Variants in ACSS3 observed in about 807,000 individuals in gnomAD.
ACSS3 encodes acyl-CoA synthetase short-chain family member 3, mitochondrial.
Under a neutral mutation model 84.2 loss-of-function variants are expected in ACSS3, and 64 were observed. That is an observed-to-expected ratio of 0.76 (90% confidence interval 0.62 to 0.94). The LOEUF (loss-of-function observed/expected upper bound fraction) is 0.94, where lower values mean the gene tolerates loss of function less well. ACSS3 is among the 40% of genes least tolerant of loss of function. The probability of loss-of-function intolerance (pLI) is 0.00; values close to 1 mark genes in which losing one functional copy is unlikely to be tolerated. For missense variants in ACSS3, 815 were observed against 867.6 expected, an observed-to-expected ratio of 0.94 and a Z score of 0.76; for synonymous variants, 317 against 310.1, an observed-to-expected ratio of 1.02 and a Z score of -0.23.
intron 1 of ACSS3, among the ~76,000 whole-genome samples, chr12:81,109,236 A>G (rs1883357077): frequency 6.6e-6 from 1 of 152,110 alleles, no homozygotes; most frequent in African/African-American, 2.4e-5. Flanking sequence ...CATACCATTT[A>G]TTTCATCTAT....
chr12:81,103,512 C>G (rs1435867226), intron 1 of ACSS3, among the ~76,000 whole-genome samples: 1 of 152,080 alleles, frequency 6.6e-6, no homozygotes, highest in Non-Finnish European at 1.5e-5. Context: ...GTCACTTGGT[C>G]TAGTCAGTCG....
intron 8 of ACSS3, among the ~76,000 whole-genome samples, chr12:81,178,160 T>G (rs1448287218): frequency 1.3e-5 from 2 of 151,380 alleles, no homozygotes; most frequent in African/African-American, 4.9e-5. Context: ...TCATGTCCTT[T>G]GTAGGGACAT....
At chr12:81,158,394 T>A (rs1886987526) in intron 7 of ACSS3, 1 of 153,420 alleles carries the variant, frequency 6.5e-6, no homozygotes, top group Non-Finnish European at 1.5e-5. Context: ...CAACAGCAAT[T>A]GGAGAAGATT....
At chr12:81,207,396 T>G (rs1300869439) in intron 9 of ACSS3, among the ~76,000 whole-genome samples, 1 of 152,132 alleles carries the variant, frequency 6.6e-6, no homozygotes, top group African/African-American at 2.4e-5. Context: ...CAAGAAGTGA[T>G]GCAGAATCCA....
chr12:81,255,149 T>G lies in ACSS3; in HGVS notation c.*227T>G, dbSNP rs886485021. 9 of 384,014 alleles carry G rather than the reference T, an allele frequency of 2.3e-5. No homozygotes were observed. Among genetic ancestry groups the G allele is most frequent in the Non-Finnish European group, 3.7e-5 (8 of 216,158 alleles). 23.8% of individuals were successfully genotyped at this position (384,014 alleles called of 1,614,324 possible). On this transcript the variant is annotated 3_prime_UTR_variant, in exon 16 of 16. Transcript: ENST00000548058. ...TATTAGTTATCTATAACATGGCTTA[T>G]TGAATGTCATCTACTGCTTTAGGAA...
At chr12:81,083,249 C>A (rs1376288955) in intron 1 of ACSS3, among the ~76,000 whole-genome samples, 1 of 152,058 alleles carries the variant, frequency 6.6e-6, no homozygotes, top group African/African-American at 2.4e-5. Flanking sequence ...GGGCTGAAAG[C>A]CTGCAGGTAG....
chr12:81,144,970 G>C (rs1351374116), intron 5 of ACSS3, among the ~76,000 whole-genome samples: 2 of 138,204 alleles, frequency 1.4e-5, no homozygotes, highest in African/African-American at 5.4e-5. Flanking sequence ...GCGCGATCTC[G>C]GCTCACTGCA....
chr12:81,253,186 C>T lies in ACSS3; in HGVS notation c.1720-121C>T, dbSNP rs188032576. 50 of 1,124,716 alleles carry T rather than the reference C, an allele frequency of 4.4e-5. No homozygotes were observed. The East Asian group carries it at 7.0e-4, about 16-fold the overall frequency. The allele number at this position is 1,124,716 out of a possible 1,614,324, so 69.7% of individuals were successfully genotyped here. A position where few individuals can be genotyped will look rare whatever the true frequency, so the allele number is the denominator to read the frequency against. ...GGATTTTTGGCTTGTCTTACATGCA[C>T]TTTTTTCCCCAACTGAAATTATATG... On this transcript the variant is annotated intron_variant, in intron 13 of 15. Coordinates refer to ENST00000548058, the MANE Select transcript of ACSS3 (RefSeq NM_024560.4).
In ACSS3 at chr12:81,254,924, G is replaced by T. The variant is rs192386241; in HGVS notation, c.*2G>T. 1.0e-5 allele frequency: 16 copies of T among 1,595,000 alleles called. No individual in the cohort carries two copies. The highest frequency in any genetic ancestry group is 6.9e-5 in the South Asian group (6 of 87,466). On this transcript the variant is annotated 3_prime_UTR_variant, in exon 16 of 16. Coordinates refer to ENST00000548058, the MANE Select transcript of ACSS3 (RefSeq NM_024560.4). ...GAAGAAATGCTGAAGCAAGCATAAT[G>T]AGTTTGTCTTATTCCTATTTTGAGT...
intron 3 of ACSS3, among the ~76,000 whole-genome samples, chr12:81,137,170 T>C (rs905335383): frequency 2.6e-5 from 4 of 151,510 alleles, no homozygotes; most frequent in Non-Finnish European, 5.9e-5. Flanking sequence ...GTTGAGTTAA[T>C]GCCTATGAAG....
chr12:81,243,709 A>G (rs1196089607), intron 13 of ACSS3, among the ~76,000 whole-genome samples: 1 of 152,174 alleles, frequency 6.6e-6, no homozygotes, highest in African/African-American at 2.4e-5. Flanking sequence ...AACGCCACAT[A>G]TCTACAACTA....
At chr12:81,090,239 A>G (rs1217522019) in intron 1 of ACSS3, among the ~76,000 whole-genome samples, 1 of 151,718 alleles carries the variant, frequency 6.6e-6, no homozygotes, top group Admixed American at 6.6e-5. Flanking sequence ...TTATCTTAAA[A>G]CCTTTAGTGG....
chr12:81,222,577 T>C (rs573081394), intron 11 of ACSS3, among the ~76,000 whole-genome samples: 4 of 152,226 alleles, frequency 2.6e-5, no homozygotes, highest in South Asian at 2.1e-4. Context: ...CATTTCACAT[T>C]ATAGATCTTA....
At chr12:81,083,705 C>T (rs2121279791) in intron 1 of ACSS3, among the ~76,000 whole-genome samples, 1 of 152,136 alleles carries the variant, frequency 6.6e-6, no homozygotes, top group African/African-American at 2.4e-5. Context: ...GGCGCAGCAG[C>T]TCACGCATGT....
intron 1 of ACSS3, among the ~76,000 whole-genome samples, chr12:81,097,386 C>A (rs973053767): frequency 6.6e-6 from 1 of 152,092 alleles, no homozygotes; most frequent in African/African-American, 2.4e-5. Flanking sequence ...CATAGTGGAC[C>A]AGTTTGACAT....
chr12:81,191,579 G>A (rs1237130453), intron 8 of ACSS3, among the ~76,000 whole-genome samples: 2 of 152,102 alleles, frequency 1.3e-5, no homozygotes, highest in African/African-American at 4.8e-5. Flanking sequence ...ATTATGGGAA[G>A]GTTTTTAAGT....
chr12:81,177,676 A>G (rs1162946815), intron 8 of ACSS3, among the ~76,000 whole-genome samples: 1 of 152,218 alleles, frequency 6.6e-6, no homozygotes, highest in South Asian at 2.1e-4. Context: ...CACATCTCCA[A>G]AGAAGACATT....
chr12:81,223,217 A>G (rs2033166702), intron 11 of ACSS3, among the ~76,000 whole-genome samples: 2 of 151,972 alleles, frequency 1.3e-5, no homozygotes, highest in South Asian at 4.1e-4. Context: ...CATTGTTGCT[A>G]TTGGAAGTGT....
At chr12:81,136,446 A>C (rs1230733255) in intron 3 of ACSS3, among the ~76,000 whole-genome samples, 1 of 152,108 alleles carries the variant, frequency 6.6e-6, no homozygotes, top group African/African-American at 2.4e-5. Flanking sequence ...GGTTTGGCTC[A>C]CAACCATAGT....
Sources: allele counts gnomAD v4.1 joint callset (sites outside exome capture counted in the v4.1 genomes callset), GRCh38; gene constraint gnomAD v4.1.1; transcripts MANE v1.5; gene names NCBI Gene and HGNC (gene_info 2026-07-23, HGNC 2026-07-21).